KCNC2: variants seen among roughly 807,000 people sequenced by gnomAD.
KCNC2 encodes the protein voltage-gated potassium channel KCNC2.
Under a neutral mutation model 44.5 loss-of-function variants are expected in KCNC2, and 21 were observed. The observed-to-expected ratio is 0.47, with a 90% CI of 0.33 to 0.68. KCNC2 has a LOEUF of 0.68. Ranked by LOEUF, KCNC2 falls within the 30% of genes least tolerant of loss-of-function variation. KCNC2 has a pLI of 0.01. For synonymous variants in KCNC2, 391 were observed against 339.1 expected (o/e 1.15, Z -1.68); for missense variants, 589 against 826.2 (o/e 0.71, Z 3.52).
chr12:75,139,698 T>C (rs148023610), intron 2 of KCNC2, among the ~76,000 whole-genome samples: 28 of 152,366 alleles, frequency 1.8e-4, no homozygotes, highest in African/African-American at 5.5e-4. Flanking sequence ...TTTTCAACTA[T>C]AAAATAAAAT....
chr12:75,144,786 G>A (rs1224035113), intron 2 of KCNC2, among the ~76,000 whole-genome samples: 1 of 151,832 alleles, frequency 6.6e-6, no homozygotes, highest in African/African-American at 2.4e-5. Context: ...AATTCCAGTT[G>A]GTGTTCAAAT....
rs373729570 is a variant in KCNC2, at chr12:75,138,979, T to TAAAAA, written c.687+68313_687+68317dup. On this transcript the variant is annotated intron_variant, in intron 2 of 4. Transcript: ENST00000549446. ...CTGGGCCACAGAGCGAGACTCCGTG[T>TAAAAA]AAAAAAAAAAAAAAAAAAAAAAAAA... 2.7e-3 allele frequency among the ~76,000 whole-genome samples: 211 copies of TAAAAA among 77,890 alleles called. 3 individuals carry two copies. Among genetic ancestry groups the TAAAAA allele is most frequent in the East Asian group, 8.5e-3 (9 of 1,060 alleles). 51.1% of individuals were successfully genotyped at this position (77,890 alleles called of 152,430 possible).
At chr12:75,059,107 T>G (rs2136979785) in intron 2 of KCNC2, among the ~76,000 whole-genome samples, 1 of 152,104 alleles carries the variant, frequency 6.6e-6, no homozygotes, top group African/African-American at 2.4e-5. Context: ...AGAGGTAAAT[T>G]TACACTAAAA....
chr12:75,114,863 T>C (rs1300540854), intron 2 of KCNC2, among the ~76,000 whole-genome samples: 1 of 136,498 alleles, frequency 7.3e-6, no homozygotes, highest in African/African-American at 2.9e-5. Flanking sequence ...CTACTTTTTT[T>C]TTTTTTTTTT....
intron 4 of KCNC2, among the ~76,000 whole-genome samples, 167 bp downstream of exon 4, chr12:75,047,986 T>C (rs1223022750): frequency 1.3e-5 from 2 of 152,108 alleles, no homozygotes; most frequent in Non-Finnish European, 2.9e-5. Context: ...TAGGTTATTA[T>C]GTATTTTAAC....
intron 2 of KCNC2, among the ~76,000 whole-genome samples, chr12:75,072,256 G>A (rs538960745): frequency 1.6e-4 from 24 of 152,208 alleles, no homozygotes; most frequent in African/African-American, 4.1e-4. Flanking sequence ...AACTAAAGTC[G>A]CCTTGACAGT....
chr12:75,071,541 A>C (rs1445718392), intron 2 of KCNC2, among the ~76,000 whole-genome samples: 1 of 152,220 alleles, frequency 6.6e-6, no homozygotes, highest in Non-Finnish European at 1.5e-5. Flanking sequence ...ATAATAAACT[A>C]TGCTTTCTAC....
chr12:75,062,374 A>G (rs532623668), intron 2 of KCNC2, among the ~76,000 whole-genome samples: 17 of 152,160 alleles, frequency 1.1e-4, no homozygotes, highest in Non-Finnish European at 2.5e-4. Context: ...TGCAAGAGCA[A>G]TAAAGCCAGG....
intron 2 of KCNC2, among the ~76,000 whole-genome samples, chr12:75,187,609 T>C (rs1351892527): frequency 1.3e-5 from 2 of 152,198 alleles, no homozygotes; most frequent in African/African-American, 2.4e-5. Flanking sequence ...AAGAGAGTGA[T>C]TGTAGGACCC....
At chr12:75,098,358 T>C (rs1381030429) in intron 2 of KCNC2, among the ~76,000 whole-genome samples, 1 of 152,188 alleles carries the variant, frequency 6.6e-6, no homozygotes, top group African/African-American at 2.4e-5. Flanking sequence ...TTGGTTGATT[T>C]AGGTTTTGTT....
Position 75,207,403 on chromosome 12 carries a change from T to A in KCNC2, c.581A>T (p.Asp194Val). ...GTCGGGGCCCCCGAGCCCCGCCGCG[T>A]CCTCGATGCCCAGCCTCTTGGCCGC... ...DLAAKRLGIEDAAGLGGPDGK... is the reference protein window; with the variant it reads ...DLAAKRLGIEVAAGLGGPDGK... Residue 194 changes from aspartate to valine, a missense_variant, in exon 2 of 5, where the codon GAC becomes GTC. Around this residue, in one of 7 missense-constraint regions of KCNC2, gnomAD observed 97 missense variants for 73.3 expected, o/e 1.32. Coordinates refer to ENST00000549446, the MANE Select transcript of KCNC2 (RefSeq NM_139137.4). The surrounding 1 kb of genome is among the most constrained non-coding windows in gnomAD (Gnocchi z 4.1). The A allele has an allele frequency of 6.3e-7, 1 of 1,594,936 alleles. No individual in the cohort carries two copies. The highest frequency in any genetic ancestry group is 8.5e-7 in the Non-Finnish European group (1 of 1,171,374).
At chr12:75,140,399 T>C (rs1453988341) in intron 2 of KCNC2, among the ~76,000 whole-genome samples, 1 of 152,198 alleles carries the variant, frequency 6.6e-6, no homozygotes, top group African/African-American at 2.4e-5. Context: ...CAAATGTGTA[T>C]GATAATTATT....
intron 2 of KCNC2, among the ~76,000 whole-genome samples, chr12:75,180,899 A>G (rs1020964907): frequency 6.6e-6 from 1 of 152,166 alleles, no homozygotes; most frequent in Admixed American, 6.5e-5. Context: ...TGTCTTCCAT[A>G]GTTAGCATTT....
rs538621397 is a variant in KCNC2, at chr12:75,056,695, C to G, written c.688-5378G>C. Among the ~76,000 whole-genome samples, 5 of 151,658 alleles carry G rather than the reference C, an allele frequency of 3.3e-5. No individual in the cohort carries two copies. In the South Asian group the frequency reaches 1.0e-3, roughly 32 times the overall value. ...ATTTACATTAAAGTACAAGGATAGA[C>G]AAATAGAATGATATTCAATGAGGCA... On this transcript the variant is annotated intron_variant, in intron 2 of 4. Coordinates refer to ENST00000549446, the MANE Select transcript of KCNC2 (RefSeq NM_139137.4).
At chr12:75,193,108 A>G (rs915476726) in intron 2 of KCNC2, among the ~76,000 whole-genome samples, 69 of 152,300 alleles carry the variant, frequency 4.5e-4, no homozygotes, top group African/African-American at 1.6e-3. Flanking sequence ...ACAACAAAAT[A>G]GTGTTCCTAT....
intron 2 of KCNC2, among the ~76,000 whole-genome samples, chr12:75,079,847 C>G (rs1027157644): frequency 6.6e-6 from 1 of 152,080 alleles, no homozygotes; most frequent in African/African-American, 2.4e-5. Context: ...AAAAAGATAG[C>G]ATGTCTCTTT....
intron 2 of KCNC2, among the ~76,000 whole-genome samples, chr12:75,139,752 T>A (rs909202581): frequency 3.3e-5 from 5 of 152,248 alleles, no homozygotes; most frequent in African/African-American, 7.2e-5. Flanking sequence ...TGTCTTTTTT[T>A]AAATTTCTGA....
intron 2 of KCNC2, among the ~76,000 whole-genome samples, chr12:75,112,531 C>T (rs137855373): frequency 1.5e-3 from 232 of 152,046 alleles, no homozygotes; most frequent in African/African-American, 5.4e-3. Flanking sequence ...CTATTCTCTC[C>T]ATTTACTTCT....
intron 2 of KCNC2, among the ~76,000 whole-genome samples, chr12:75,187,007 C>T (rs1292701532): frequency 2.6e-5 from 4 of 152,110 alleles, no homozygotes; most frequent in Non-Finnish European, 4.4e-5. Context: ...TTTAAAAATA[C>T]ACATACCAAA....
Sources: gnomAD v4.1 joint callset for allele counts (sites outside exome capture counted in the v4.1 genomes callset) on GRCh38, gnomAD v4.1.1 for gene constraint, gnomAD v4.1.1 regional missense constraint, Gnocchi (gnomAD v3.1) non-coding constraint, MANE v1.5 for transcripts, NCBI Gene and HGNC (gene_info 2026-07-23, HGNC 2026-07-21) for gene names.